The following ABAT variants were observed in gnomAD, a reference collection of about 807,000 sequenced individuals.
The protein encoded by ABAT is 4-aminobutyrate aminotransferase.
ABAT carries 45 observed loss-of-function variants against 64.6 expected under a neutral mutation model. That is an observed-to-expected ratio of 0.70 (90% CI 0.55 to 0.89). The LOEUF is 0.89. ABAT is among the 40% of genes least tolerant of loss of function. The probability of loss-of-function intolerance (pLI) is 0.00; values close to 1 mark genes in which losing one functional copy is unlikely to be tolerated. For synonymous variants in ABAT, 297 were observed against 250.5 expected (o/e 1.19, Z -1.75); for missense variants, 633 against 658.4 (o/e 0.96, Z 0.42).
intron 1 of ABAT, chr16:8,720,568 G>A (rs1173515247): frequency 6.6e-6 from 1 of 152,438 alleles, no homozygotes; most frequent in African/African-American, 2.4e-5. Flanking sequence ...GGAGAAAAGT[G>A]GATGTGAGAT....
chr16:8,766,718 C>T (rs910302869), intron 9 of ABAT, among the ~76,000 whole-genome samples: 1 of 151,962 alleles, frequency 6.6e-6, no homozygotes, highest in African/African-American at 2.4e-5. Flanking sequence ...CCTGTAATCC[C>T]AGCACTTTGG....
At chr16:8,751,546 C>T (rs1461587946) in intron 5 of ABAT, among the ~76,000 whole-genome samples, 1 of 152,214 alleles carries the variant, frequency 6.6e-6, no homozygotes, top group Non-Finnish European at 1.5e-5. Flanking sequence ...CTGGTGCATA[C>T]ACCACACCCC....
At position 8,764,934 on chromosome 16, in the gene ABAT, G is replaced by A. The variant is rs1019280265; in HGVS notation, c.540+104G>A. 1.6e-5 allele frequency: 17 copies of A among 1,070,134 alleles called. No individual in the cohort carries two copies. The African/African-American group carries it at 2.5e-4, about 16-fold the overall frequency. 66.3% of individuals were successfully genotyped at this position (1,070,134 alleles called of 1,614,324 possible). ...TTCATTCCAATGGGCTGGAGTATTA[G>A]ACATCAGTACCAGGGTTAAAATACA... On this transcript the variant is annotated intron_variant, in intron 8 of 15. Transcript: ENST00000268251. The surrounding 1 kb of genome is among the most constrained non-coding windows in gnomAD (Gnocchi z 4.2).
intron 9 of ABAT, among the ~76,000 whole-genome samples, chr16:8,767,255 G>A (rs929372641): frequency 3.9e-4 from 59 of 152,358 alleles, no homozygotes; most frequent in Admixed American, 2.1e-3. Context: ...GGGACAGGGC[G>A]TCCATGCACC....
At position 8,776,817 on chromosome 16, in the gene ABAT, G is replaced by A. The variant is rs927287027; in HGVS notation, c.1269+327G>A. Among the ~76,000 whole-genome samples the A allele has an allele frequency of 2.6e-5, 4 of 152,192 alleles. No individual in the cohort carries two copies. Among genetic ancestry groups the A allele is most frequent in the South Asian group, 2.1e-4 (1 of 4,822 alleles). ...CGGCCTTGAACTCCTGGCCTCAAACGATCCTTCCACCTCAGCCTCCCAAAG... is the reference window on the plus strand; with the variant it reads ...CGGCCTTGAACTCCTGGCCTCAAACAATCCTTCCACCTCAGCCTCCCAAAG... On this transcript the variant is annotated intron_variant, in intron 14 of 15. Transcript: ENST00000268251. This position sits in a 1 kb window ranked among gnomAD's most constrained non-coding sequence, Gnocchi z 4.4.
chr16:8,739,646 G>T (rs914205907), intron 2 of ABAT, among the ~76,000 whole-genome samples: 8 of 152,112 alleles, frequency 5.3e-5, no homozygotes, highest in African/African-American at 1.9e-4. Context: ...TAGAACCCAG[G>T]AGGCGGAGGT....
intron 1 of ABAT, among the ~76,000 whole-genome samples, chr16:8,691,099 T>G (rs1266737433): frequency 1.3e-5 from 2 of 152,268 alleles, no homozygotes; most frequent in South Asian, 2.1e-4. Flanking sequence ...AAGCTCTCCC[T>G]TCGTCAAACC....
chr16:8,778,198 C>T (rs996459261), intron 14 of ABAT, among the ~76,000 whole-genome samples: 3 of 152,140 alleles, frequency 2.0e-5, no homozygotes, highest in Non-Finnish European at 4.4e-5. Context: ...GCATTTGTTT[C>T]CTTGTCTGCT....
intron 2 of ABAT, among the ~76,000 whole-genome samples, chr16:8,743,594 G>A (rs2142567071): frequency 7.1e-6 from 1 of 141,480 alleles, no homozygotes; most frequent in South Asian, 2.2e-4. Flanking sequence ...TATTTTAGTT[G>A]TAATATATAA....
intron 2 of ABAT, chr16:8,736,499 A>G (rs1023727390): frequency 1.3e-5 from 2 of 151,358 alleles, no homozygotes; most frequent in Non-Finnish European, 2.9e-5. Flanking sequence ...GAAAACACAC[A>G]TCTGGGATCG....
chr16:8,782,449 G>A lies in ABAT; in HGVS notation c.*1019G>A, dbSNP rs2060462353. 6.6e-6 allele frequency: 1 copy of A among 152,280 alleles called. No individual in the cohort carries two copies. Among genetic ancestry groups the A allele is most frequent in the African/African-American group, 2.4e-5 (1 of 41,466 alleles). 9.4% of individuals were successfully genotyped at this position (152,280 alleles called of 1,614,324 possible). ...GCTGACCCCCAGGAACAGCTTGGCT[G>A]TTCCACCAGAGCAGAGGGAATCATT... On this transcript the variant is annotated 3_prime_UTR_variant, in exon 16 of 16. Transcript: ENST00000268251.
chr16:8,682,373 T>C (rs1447472164), intron 1 of ABAT, among the ~76,000 whole-genome samples: 2 of 152,168 alleles, frequency 1.3e-5, no homozygotes, highest in Non-Finnish European at 2.9e-5. Context: ...GAATCCAATT[T>C]ACAAATTCCA....
chr16:8,676,864 G>T (rs1013048272), intron 1 of ABAT, among the ~76,000 whole-genome samples: 1 of 152,130 alleles, frequency 6.6e-6, no homozygotes, highest in South Asian at 2.1e-4. Context: ...AGAGGCCTGC[G>T]TCTTTTCTCC....
intron 14 of ABAT, 41 bp from the exon 15 acceptor site, chr16:8,779,438 G>C (rs2060366455): frequency 6.5e-7 from 1 of 1,544,686 alleles, no homozygotes; most frequent in African/African-American, 1.4e-5. Flanking sequence ...TGGTACACAG[G>C]TGATGGGCTT....
At chr16:8,744,504 A>T (rs567162565) in intron 2 of ABAT, among the ~76,000 whole-genome samples, 3 of 150,716 alleles carry the variant, frequency 2.0e-5, no homozygotes, top group Admixed American at 1.3e-4. Flanking sequence ...AGTAGCTGGG[A>T]TTACAGGTGC....
intron 6 of ABAT, among the ~76,000 whole-genome samples, chr16:8,760,999 A>C (rs1313893946): frequency 2.6e-5 from 4 of 152,154 alleles, no homozygotes; most frequent in Non-Finnish European, 5.9e-5. Context: ...GGATCGCTTG[A>C]GCCCAGGAAG....
intron 1 of ABAT, among the ~76,000 whole-genome samples, chr16:8,694,092 C>T (rs910585932): frequency 1.3e-5 from 2 of 151,906 alleles, no homozygotes; most frequent in Non-Finnish European, 2.9e-5. Flanking sequence ...TACAGTGGCA[C>T]GATCTCCGCT....
At chr16:8,748,568 T>C (rs2059394963) in intron 4 of ABAT, among the ~76,000 whole-genome samples, 1 of 152,178 alleles carries the variant, frequency 6.6e-6, no homozygotes, top group Non-Finnish European at 1.5e-5. Context: ...AGAATATTGT[T>C]CAAGTCTTCT....
At chr16:8,700,531 C>T (rs531122250) in intron 1 of ABAT, among the ~76,000 whole-genome samples, 8 of 152,252 alleles carry the variant, frequency 5.3e-5, no homozygotes, top group Non-Finnish European at 8.8e-5. Context: ...ACTTTATAAA[C>T]GGAATCATAC....
Sources: allele counts gnomAD v4.1 joint callset (sites outside exome capture counted in the v4.1 genomes callset), GRCh38; gene constraint gnomAD v4.1.1; non-coding constraint Gnocchi (gnomAD v3.1); transcripts MANE v1.5; gene names NCBI Gene and HGNC (gene_info 2026-07-23, HGNC 2026-07-21).